GSTA5: variants seen among roughly 807,000 people sequenced by gnomAD.
The protein encoded by GSTA5 is glutathione S-transferase alpha 5.
A neutral mutation model predicts 21.8 loss-of-function variants in GSTA5; 25 were observed. The ratio of observed to expected loss-of-function variants is 1.14; its 90% confidence interval spans 0.83 to 1.60. The LOEUF (loss-of-function observed/expected upper bound fraction) is 1.60. Among genes scored for constraint, GSTA5 ranks in the 40% most tolerant of loss-of-function variants. The pLI is 0.00. For missense variants in GSTA5, 330 were observed against 259.2 expected (o/e 1.27, Z -1.88); for synonymous variants, 102 against 89.5 (o/e 1.14, Z -0.78).
Position 52,840,688 on chromosome 6 carries a change from T to C in GSTA5, c.87+39A>G, listed in dbSNP as rs1235240749. On this transcript the variant is annotated intron_variant, in intron 1 of 5. Transcript: ENST00000370989. Reference sequence around the variant, plus strand: ...GTGGGAAAAGTATGTGATAACGCAATTTTAAATCCAACTTAAGATGACCTT... The same window carrying C: ...GTGGGAAAAGTATGTGATAACGCAACTTTAAATCCAACTTAAGATGACCTT... 5.7e-6 allele frequency: 9 copies of C among 1,574,724 alleles called. No homozygotes were observed. The East Asian group carries it at 1.3e-4, about 23-fold the overall frequency.
upstream of GSTA5, among the ~76,000 whole-genome samples, chr6:52,841,620 G>A (rs2127325514): frequency 6.6e-6 from 1 of 152,352 alleles, no homozygotes; most frequent in Non-Finnish European, 1.5e-5. Context: ...CCTGGCAAAA[G>A]AGATGTTGCT....
chr6:52,840,643 G>A, intron 1 of GSTA5, 84 bp downstream of exon 1: 2 of 1,201,626 alleles, frequency 1.7e-6, no homozygotes, highest in Non-Finnish European at 2.5e-6. Flanking sequence ...GCTTCAGTAA[G>A]TAATCATTGC....
chr6:52,845,559 A>G (rs1228523323), upstream of GSTA5, among the ~76,000 whole-genome samples: 12 of 152,220 alleles, frequency 7.9e-5, no homozygotes, highest in Admixed American at 2.6e-4. Context: ...ACTTGTCGTC[A>G]AGCTAATTAG....
chr6:52,844,793 C>A (rs959594932), upstream of GSTA5, among the ~76,000 whole-genome samples: 32 of 152,062 alleles, frequency 2.1e-4, no homozygotes, highest in African/African-American at 7.7e-4. Flanking sequence ...TGCTCTTGTC[C>A]CAGTGCTTGG....
exon 4 of GSTA5, chr6:52,834,277 T>C (rs1332442447): frequency 6.2e-7 from 1 of 1,608,152 alleles, no homozygotes; most frequent in Non-Finnish European, 8.5e-7. Context: ...TGTGTACATA[T>C]CAATCCTGAA....
chr6:52,832,804 G>A (rs1486735363), intron 5 of GSTA5, 55 bp downstream of exon 5: 3 of 1,610,880 alleles, frequency 1.9e-6, no homozygotes, highest in Non-Finnish European at 1.7e-6. Flanking sequence ...GCCCAGATAT[G>A]AGATCCCAAT....
At chr6:52,842,402 A>ATTTT (rs1165875827), upstream of GSTA5, among the ~76,000 whole-genome samples, 1 of 55,626 alleles carries the variant, frequency 1.8e-5, no homozygotes, top group Non-Finnish European at 3.7e-5. Flanking sequence ...CAACTAATGT[A>ATTTT]TTTCTTTTTT....
intron 3 of GSTA5, 116 bp from the exon 4 acceptor site, chr6:52,834,398 G>A: frequency 2.1e-6 from 2 of 947,132 alleles, no homozygotes; most frequent in Non-Finnish European, 3.2e-6. Context: ...CCTCCAGTTA[G>A]TGCCTTTTAT....
upstream of GSTA5, among the ~76,000 whole-genome samples, chr6:52,842,319 G>T (rs2397123): frequency 1 from 151,792 of 152,326 alleles, 75,633 homozygotes; most frequent in Middle Eastern, 1. Flanking sequence ...CCAGCTCTGT[G>T]ATTAAACATT....
Position 52,831,973 on chromosome 6 carries a change from G to A in GSTA5, c.547-3C>T, listed in dbSNP as rs1030887537. 4 of 1,611,622 alleles carry A rather than the reference G, an allele frequency of 2.5e-6. No homozygotes were observed. The highest frequency in any genetic ancestry group is 4.5e-5 in the East Asian group (2 of 44,818). On this transcript the variant is annotated splice_polypyrimidine_tract_variant and splice_region_variant and intron_variant, in intron 5 of 5. Coordinates refer to ENST00000370989, the Ensembl canonical transcript of GSTA5. ...TTGCTGATTCTGGTTTTCAGGGCCT[G>A]TAATCCACAAAGCACAGCCTCAGAG...
upstream of GSTA5, among the ~76,000 whole-genome samples, chr6:52,842,058 C>T (rs1038902826): frequency 3.9e-5 from 6 of 152,192 alleles, no homozygotes; most frequent in Non-Finnish European, 8.8e-5. Context: ...CATGTGTGCA[C>T]GCTCACCTGC....
chr6:52,842,406 C>T (rs375141389), upstream of GSTA5, among the ~76,000 whole-genome samples: 72 of 128,748 alleles, frequency 5.6e-4, no homozygotes, highest in Middle Eastern at 0.012. Context: ...TAATGTATTT[C>T]TTTTTTTTTT....
chr6:52,837,508 G>T, intron 2 of GSTA5, 50 bp downstream of exon 2: 1 of 1,233,366 alleles, frequency 8.1e-7, no homozygotes, highest in Non-Finnish European at 1.2e-6. Flanking sequence ...ACGTTCCTCT[G>T]TACCTTCTAC....
upstream of GSTA5, among the ~76,000 whole-genome samples, chr6:52,845,138 C>G (rs1764436189): frequency 6.6e-6 from 1 of 152,006 alleles, no homozygotes; most frequent in African/African-American, 2.4e-5. Context: ...TCTCTCTTTC[C>G]TTTTTAGCTT....
upstream of GSTA5, among the ~76,000 whole-genome samples, chr6:52,841,528 A>C (rs1222148309): frequency 2.6e-5 from 4 of 152,242 alleles, no homozygotes; most frequent in African/African-American, 4.8e-5. Context: ...GAAGATCCAA[A>C]GTCTTTCAAC....
chr6:52,844,124 A>G (rs1251519223), upstream of GSTA5, among the ~76,000 whole-genome samples: 1 of 152,150 alleles, frequency 6.6e-6, no homozygotes, highest in Non-Finnish European at 1.5e-5. Context: ...TAGCCATTCA[A>G]TGGGTACATT....
At chr6:52,836,771 C>G (rs1764299903) in intron 2 of GSTA5, among the ~76,000 whole-genome samples, 1 of 152,316 alleles carries the variant, frequency 6.6e-6, no homozygotes, top group South Asian at 2.1e-4. Context: ...CTCAGCCTCT[C>G]GAAGAGCTGG....
chr6:52,831,741 G>T, exon 6 of GSTA5: 1 of 1,320,208 alleles, frequency 7.6e-7, no homozygotes, highest in Non-Finnish European at 1.1e-6. Context: ...ATTGGAAAGA[G>T]TTTATTAGCT....
chr6:52,838,686 T>C (rs1764325649), intron 1 of GSTA5, among the ~76,000 whole-genome samples: 1 of 152,204 alleles, frequency 6.6e-6, no homozygotes. Context: ...AGGCAGAATC[T>C]ATCAAACCAA....
Sources: allele counts gnomAD v4.1 joint callset (sites outside exome capture counted in the v4.1 genomes callset), GRCh38; gene constraint gnomAD v4.1.1; transcripts MANE v1.5; gene names NCBI Gene and HGNC (gene_info 2026-07-23, HGNC 2026-07-21).